TSPAN13: variants seen among roughly 807,000 people sequenced by gnomAD.
TSPAN13 encodes the protein tetraspanin 13, also known as tetraspanin-13.
Under a neutral mutation model 26.9 loss-of-function variants are expected in TSPAN13, and 18 were observed. The observed-to-expected ratio is 0.67, with a 90% CI of 0.46 to 0.99. The LOEUF (loss-of-function observed/expected upper bound fraction) is 0.99. Among genes scored for constraint, TSPAN13 ranks in the 50% least tolerant of loss-of-function variants. The probability of loss-of-function intolerance (pLI) is 0.00; values close to 1 mark genes in which losing one functional copy is unlikely to be tolerated. For missense variants in TSPAN13, 201 were observed against 249.6 expected (o/e 0.81, Z 1.31); for synonymous variants, 116 against 98.4 (o/e 1.18, Z -1.06).
chr7:16,758,755 T>TA (rs1784509644), intron 1 of TSPAN13, among the ~76,000 whole-genome samples: 1 of 152,014 alleles, frequency 6.6e-6, no homozygotes, highest in South Asian at 2.1e-4. Flanking sequence ...AATACCCTTT[T>TA]TTTTTTTTAC....
intron 1 of TSPAN13, among the ~76,000 whole-genome samples, chr7:16,760,099 A>G (rs1417583433): frequency 6.6e-6 from 1 of 152,216 alleles, no homozygotes; most frequent in African/African-American, 2.4e-5. Context: ...GGGTGGACCC[A>G]GGAGAGCACT....
intron 1 of TSPAN13, among the ~76,000 whole-genome samples, chr7:16,771,311 T>C (rs1204514853): frequency 6.6e-6 from 1 of 152,366 alleles, no homozygotes; most frequent in Non-Finnish European, 1.5e-5. Context: ...CAGTTGCCCA[T>C]GTTCCAAGAA....
chr7:16,776,707 G>GT (rs1014454834), intron 2 of TSPAN13, among the ~76,000 whole-genome samples: 1 of 151,222 alleles, frequency 6.6e-6, no homozygotes, highest in Non-Finnish European at 1.5e-5. Flanking sequence ...GAATTTCAGT[G>GT]TTTTTTTTAG....
chr7:16,766,348 C>G (rs706058), intron 1 of TSPAN13, among the ~76,000 whole-genome samples: 2,299 of 152,252 alleles, frequency 0.015, 67 homozygotes, highest in African/African-American at 0.053. Flanking sequence ...ACAGTTGATT[C>G]TATGTTTTCT....
chr7:16,755,003 C>G (rs1186952536), intron 1 of TSPAN13, among the ~76,000 whole-genome samples: 1 of 152,190 alleles, frequency 6.6e-6, no homozygotes, highest in Non-Finnish European at 1.5e-5. Flanking sequence ...GTTGACGAGT[C>G]AGGAGTGGAA....
intron 4 of TSPAN13, among the ~76,000 whole-genome samples, chr7:16,778,301 T>A (rs1052435469): frequency 2.6e-5 from 4 of 152,234 alleles, no homozygotes; most frequent in African/African-American, 9.6e-5. Flanking sequence ...TGTGAGATTA[T>A]CTCCTTGTAG....
At chr7:16,772,182 G>A (rs550219465) in intron 1 of TSPAN13, among the ~76,000 whole-genome samples, 188 of 152,232 alleles carry the variant, frequency 1.2e-3, no homozygotes, top group African/African-American at 4.2e-3. Context: ...TATTTGCTTT[G>A]CGGCGAGGAT....
At chr7:16,778,441 T>G (rs1784777547) in intron 4 of TSPAN13, among the ~76,000 whole-genome samples, 1 of 152,274 alleles carries the variant, frequency 6.6e-6, no homozygotes, top group South Asian at 2.1e-4. Context: ...TGGGTCAGGC[T>G]TGGCTGGGTC....
intron 1 of TSPAN13, among the ~76,000 whole-genome samples, chr7:16,763,856 A>G (rs1243954970): frequency 6.6e-6 from 1 of 152,180 alleles, no homozygotes; most frequent in Non-Finnish European, 1.5e-5. Context: ...GACAGAGGTC[A>G]TTCTTATTCT....
intron 1 of TSPAN13, among the ~76,000 whole-genome samples, chr7:16,770,910 C>G (rs926209951): frequency 1.3e-5 from 2 of 152,168 alleles, no homozygotes; most frequent in African/African-American, 4.8e-5. Flanking sequence ...TCGTGTTTCT[C>G]TTTCTTGAAA....
intron 1 of TSPAN13, 21 bp from the exon 2 acceptor site, chr7:16,776,190 G>GC: frequency 1.2e-6 from 2 of 1,610,802 alleles, no homozygotes; most frequent in Non-Finnish European, 1.7e-6. Flanking sequence ...CTCTACCCCT[G>GC]CCCCCTGGGT....
At chr7:16,766,719 G>C (rs888798134) in intron 1 of TSPAN13, among the ~76,000 whole-genome samples, 4 of 152,190 alleles carry the variant, frequency 2.6e-5, no homozygotes, top group Non-Finnish European at 4.4e-5. Context: ...AGCTGGGTTT[G>C]GGAGATAGTG....
intron 1 of TSPAN13, among the ~76,000 whole-genome samples, chr7:16,773,567 C>T (rs1364647418): frequency 1.3e-5 from 2 of 152,122 alleles, no homozygotes; most frequent in Admixed American, 6.5e-5. Context: ...GAAAGTTTGC[C>T]AAGCCCTGTT....
At chr7:16,776,407 T>G (rs1283778151) in intron 2 of TSPAN13, 29 bp downstream of exon 2, 1 of 1,595,666 alleles carries the variant, frequency 6.3e-7, no homozygotes, top group Non-Finnish European at 8.6e-7. Flanking sequence ...AAGATTTTAC[T>G]CTTGATGACT....
intron 1 of TSPAN13, among the ~76,000 whole-genome samples, chr7:16,765,266 A>AT (rs34746935): frequency 6.6e-6 from 1 of 151,256 alleles, no homozygotes; most frequent in Admixed American, 6.6e-5. Context: ...CACCTGGCTA[A>AT]TTTTTTTTAT....
chr7:16,761,201 C>T (rs143025621), intron 1 of TSPAN13, among the ~76,000 whole-genome samples: 3 of 152,248 alleles, frequency 2.0e-5, no homozygotes, highest in South Asian at 2.1e-4. Flanking sequence ...AGTGGCATCA[C>T]GGAGAGCCAT....
At chr7:16,767,946 C>A (rs1252084675) in intron 1 of TSPAN13, among the ~76,000 whole-genome samples, 4 of 151,990 alleles carry the variant, frequency 2.6e-5, no homozygotes, top group Non-Finnish European at 5.9e-5. Flanking sequence ...GAGTATCGCT[C>A]TTGTTGCCCA....
intron 1 of TSPAN13, among the ~76,000 whole-genome samples, chr7:16,765,283 G>C (rs1784593079): frequency 6.6e-6 from 1 of 150,852 alleles, no homozygotes. Flanking sequence ...TTATTTTTTT[G>C]GTAGAGACAA....
intron 1 of TSPAN13, among the ~76,000 whole-genome samples, chr7:16,761,953 T>G (rs1171100780): frequency 6.6e-6 from 1 of 152,210 alleles, no homozygotes; most frequent in Non-Finnish European, 1.5e-5. Flanking sequence ...ACTTCTCTGT[T>G]GCGTTAGTGC....
Sources: gnomAD v4.1 joint callset for allele counts (sites outside exome capture counted in the v4.1 genomes callset) on GRCh38, gnomAD v4.1.1 for gene constraint, MANE v1.5 for transcripts, NCBI Gene and HGNC (gene_info 2026-07-23, HGNC 2026-07-21) for gene names.